Variants in COL26A1 observed in about 807,000 individuals in gnomAD.
The protein encoded by COL26A1 is collagen type XXVI alpha 1 chain, also known as collagen alpha-1(XXVI) chain.
Under a neutral mutation model 59.3 loss-of-function variants are expected in COL26A1, and 41 were observed. That is an observed-to-expected ratio of 0.69 (90% CI 0.54 to 0.90). COL26A1 has a LOEUF of 0.90. Ranked by LOEUF, COL26A1 falls within the 40% of genes least tolerant of loss-of-function variation. The probability of loss-of-function intolerance (pLI) is 0.00; values close to 1 mark genes in which losing one functional copy is unlikely to be tolerated. For synonymous variants in COL26A1, 266 were observed against 256.0 expected (o/e 1.04, Z -0.37); for missense variants, 612 against 602.3 (o/e 1.02, Z -0.17).
At chr7:101,506,368 T>G (rs1348897557) in intron 3 of COL26A1, among the ~76,000 whole-genome samples, 3 of 152,196 alleles carry the variant, frequency 2.0e-5, no homozygotes, top group African/African-American at 7.2e-5. Flanking sequence ...CTTTGTAACA[T>G]GCTTTATTTT....
At chr7:101,529,387 G>C (rs925241322) in intron 3 of COL26A1, among the ~76,000 whole-genome samples, 1 of 152,022 alleles carries the variant, frequency 6.6e-6, no homozygotes, top group African/African-American at 2.4e-5. Flanking sequence ...TCGTGCCTCA[G>C]CCTCCCTAGT....
At chr7:101,445,400 G>A (rs1793161501) in intron 2 of COL26A1, among the ~76,000 whole-genome samples, 1 of 151,926 alleles carries the variant, frequency 6.6e-6, no homozygotes, top group Admixed American at 6.6e-5. Flanking sequence ...GGAGGTCTCT[G>A]GAAACTTTCA....
At chr7:101,551,237 G>GGTGGGGGGGGGGGGC in intron 10 of COL26A1, 94 bp downstream of exon 10, 1 of 386,366 alleles carries the variant, frequency 2.6e-6, no homozygotes, top group Non-Finnish European at 5.0e-6. Context: ...TGGTGGGGGG[G>GGTGGGGGGGGGGGGC]TTCAGCCCTG....
At chr7:101,367,597 G>C (rs1368693542) in intron 1 of COL26A1, among the ~76,000 whole-genome samples, 3 of 151,786 alleles carry the variant, frequency 2.0e-5, no homozygotes, top group African/African-American at 4.8e-5. Flanking sequence ...CCCGGGAGGC[G>C]GAGGGTACAA....
At chr7:101,540,260 A>G (rs909382075) in intron 5 of COL26A1, among the ~76,000 whole-genome samples, 25 of 152,242 alleles carry the variant, frequency 1.6e-4, no homozygotes, top group Non-Finnish European at 3.2e-4. Context: ...CGATCTGGTC[A>G]GGTGCAGTGG....
At chr7:101,458,088 C>G (rs62464270) in intron 3 of COL26A1, among the ~76,000 whole-genome samples, 66,594 of 151,506 alleles carry the variant, frequency 0.44, 15,408 homozygotes, top group Middle Eastern at 0.54. Context: ...TAGAGATGGG[C>G]TTTCACCATG....
At position 101,552,689 on chromosome 7, in the gene COL26A1, C is replaced by A. The variant is rs558041802; in HGVS notation, c.1030-637C>A. On this transcript the variant is annotated intron_variant, in intron 10 of 12. Coordinates refer to ENST00000313669, the MANE Select transcript of COL26A1 (RefSeq NM_001278563.3). ...TGGGAGGCCAAGGCAGGCAGATCACCTGAAGTCAGGAGTTCGAGATGAGCC... is the reference window on the plus strand; with the variant it reads ...TGGGAGGCCAAGGCAGGCAGATCACATGAAGTCAGGAGTTCGAGATGAGCC... Among the ~76,000 whole-genome samples, 5 of 152,154 alleles carry A rather than the reference C, an allele frequency of 3.3e-5. No homozygotes were observed. The South Asian group carries it at 1.0e-3, about 31-fold the overall frequency.
At chr7:101,446,440 C>T (rs1793196826) in intron 2 of COL26A1, among the ~76,000 whole-genome samples, 1 of 152,196 alleles carries the variant, frequency 6.6e-6, no homozygotes, top group African/African-American at 2.4e-5. Flanking sequence ...TAGATCACAG[C>T]TGATACAGAG....
intron 2 of COL26A1, 32 bp downstream of exon 2, chr7:101,420,131 T>G: frequency 8.1e-6 from 13 of 1,606,070 alleles, no homozygotes; most frequent in Non-Finnish European, 1.1e-5. Context: ...TGCTCTGCCC[T>G]TCCCTCCCAT....
In COL26A1 at chr7:101,557,671, CAGATA is replaced by C. The variant is rs1796013772; in HGVS notation, c.*143_*147del. On this transcript the variant is annotated 3_prime_UTR_variant, in exon 13 of 13. Coordinates refer to ENST00000313669, the MANE Select transcript of COL26A1 (RefSeq NM_001278563.3). ...GTGAGGACATGGGGGGCTTTGGGGA[CAGATA>C]ATGTCTCCAGGGGCAGGGTCTGGAG... The C allele has an allele frequency of 3.5e-6, 3 of 845,358 alleles. No individual in the cohort carries two copies. The East Asian group carries it at 8.1e-5, about 23-fold the overall frequency. The allele number at this position is 845,358 out of a possible 1,614,324, so 52.4% of individuals were successfully genotyped here. A position where few individuals can be genotyped will look rare whatever the true frequency, so the allele number is the denominator to read the frequency against.
chr7:101,475,920 T>TCTCTCTCTCTC (rs1563000308), intron 3 of COL26A1, among the ~76,000 whole-genome samples: 8 of 146,412 alleles, frequency 5.5e-5, no homozygotes, highest in Non-Finnish European at 7.5e-5. Flanking sequence ...CTCTCTCTCT[T>TCTCTCTCTCTC]TCTTTCTCTC....
intron 3 of COL26A1, among the ~76,000 whole-genome samples, chr7:101,469,493 CTCT>C (rs935553682): frequency 1.6e-5 from 2 of 128,316 alleles, no homozygotes; most frequent in African/African-American, 6.3e-5. Context: ...CACGATTTCT[CTCT>C]TTTTTTTTTT....
intron 2 of COL26A1, among the ~76,000 whole-genome samples, chr7:101,441,388 TTCTA>T (rs1247805177): frequency 6.6e-6 from 1 of 152,180 alleles, no homozygotes; most frequent in African/African-American, 2.4e-5. Context: ...CTCAGCTCAC[TTCTA>T]TCTGTGTCTC....
At chr7:101,369,338 T>A (rs919438432) in intron 1 of COL26A1, among the ~76,000 whole-genome samples, 5 of 149,988 alleles carry the variant, frequency 3.3e-5, no homozygotes, top group Non-Finnish European at 5.9e-5. Flanking sequence ...ACCCAGGAGG[T>A]GGAGGTTGCA....
At position 101,429,002 on chromosome 7, in the gene COL26A1, G is replaced by A. The variant is rs550183584; in HGVS notation, c.281+8903G>A. Among the ~76,000 whole-genome samples, 17 of 148,896 alleles carry A rather than the reference G, an allele frequency of 1.1e-4. No homozygotes were observed. In the East Asian group the frequency reaches 2.8e-3, roughly 24 times the overall value. ...TGCAGTGACGTGATCTTGGCTCACTGCAATCTCTGCCTCCAGGTTCAAGCA... is the reference window on the plus strand; with the variant it reads ...TGCAGTGACGTGATCTTGGCTCACTACAATCTCTGCCTCCAGGTTCAAGCA... On this transcript the variant is annotated intron_variant, in intron 2 of 12. Transcript: ENST00000313669.
chr7:101,420,923 C>A (rs1248887685), intron 2 of COL26A1, among the ~76,000 whole-genome samples: 6 of 152,100 alleles, frequency 3.9e-5, no homozygotes, highest in South Asian at 2.1e-4. Flanking sequence ...CCTCTCCAGG[C>A]CGTGCTTAGC....
intron 1 of COL26A1, among the ~76,000 whole-genome samples, chr7:101,391,317 A>T (rs1276635875): frequency 2.6e-5 from 4 of 151,324 alleles, no homozygotes; most frequent in African/African-American, 9.7e-5. Context: ...TATTTTTTTT[A>T]TTTTTTTTAA....
chr7:101,383,239 G>T (rs1045069353), intron 1 of COL26A1, among the ~76,000 whole-genome samples: 1 of 151,946 alleles, frequency 6.6e-6, no homozygotes, highest in Non-Finnish European at 1.5e-5. Flanking sequence ...TTCATTTGAG[G>T]CATGTCGATT....
At chr7:101,458,828 G>A (rs1474385341) in intron 3 of COL26A1, among the ~76,000 whole-genome samples, 5 of 145,916 alleles carry the variant, frequency 3.4e-5, no homozygotes, top group Non-Finnish European at 6.0e-5. Flanking sequence ...TGGAGACATG[G>A]TCTGACTTTG....
Sources: gnomAD v4.1 joint callset for allele counts (sites outside exome capture counted in the v4.1 genomes callset) on GRCh38, gnomAD v4.1.1 for gene constraint, MANE v1.5 for transcripts, NCBI Gene and HGNC (gene_info 2026-07-23, HGNC 2026-07-21) for gene names.